The following GRIK2 variants were observed in gnomAD, a reference collection of about 807,000 sequenced individuals.
GRIK2 encodes glutamate receptor ionotropic, kainate 2.
In GRIK2, 32 loss-of-function variants were observed where a neutral mutation model predicts 100.3. The observed-to-expected ratio is 0.32, with a 90% CI of 0.24 to 0.43. The LOEUF is 0.43. Ranked by LOEUF, GRIK2 falls within the 20% of genes least tolerant of loss-of-function variation. The pLI, the probability that GRIK2 is intolerant of heterozygous loss-of-function variation, is 1.00. For synonymous variants in GRIK2, 417 were observed against 389.4 expected (o/e 1.07, Z -0.83); for missense variants, 843 against 1,114.9 (o/e 0.76, Z 3.47).
intron 11 of GRIK2, among the ~76,000 whole-genome samples, chr6:101,870,456 C>T (rs1376191814): frequency 6.6e-6 from 1 of 151,740 alleles, no homozygotes; most frequent in South Asian, 2.1e-4. Flanking sequence ...TATTGATGTA[C>T]ATGTTTTGTT....
At chr6:101,760,680 T>TTATATA (rs1562364751) in intron 7 of GRIK2, among the ~76,000 whole-genome samples, 4 of 89,516 alleles carry the variant, frequency 4.5e-5, no homozygotes, top group African/African-American at 1.9e-4. Context: ...AATTATATAT[T>TTATATA]TAATTATATA....
intron 2 of GRIK2, among the ~76,000 whole-genome samples, chr6:101,508,090 A>AT (rs201517394): frequency 0.037 from 4,328 of 115,696 alleles, 141 homozygotes; most frequent in South Asian, 0.22. Context: ...ACTGATTATT[A>AT]TTATTTTTTT....
intron 2 of GRIK2, among the ~76,000 whole-genome samples, chr6:101,506,282 G>T (rs187215241): frequency 6.6e-6 from 1 of 152,170 alleles, no homozygotes; most frequent in East Asian, 1.9e-4. Flanking sequence ...CCAAGTAAAA[G>T]AAGTTGGACT....
chr6:101,416,093 T>A (rs746317546), intron 2 of GRIK2, among the ~76,000 whole-genome samples: 4 of 152,174 alleles, frequency 2.6e-5, no homozygotes. Context: ...CCAGGTCTTA[T>A]CCTGTCTCTT....
intron 12 of GRIK2, among the ~76,000 whole-genome samples, chr6:101,903,737 A>G (rs1788031242): frequency 6.6e-6 from 1 of 151,530 alleles, no homozygotes; most frequent in African/African-American, 2.4e-5. Context: ...ATATTCAAAT[A>G]CATCAATGTT....
intron 7 of GRIK2, among the ~76,000 whole-genome samples, chr6:101,755,349 G>A (rs564171858): frequency 6.6e-6 from 1 of 151,934 alleles, no homozygotes; most frequent in African/African-American, 2.4e-5. Context: ...TGTATTTTTA[G>A]TAGAGATGGG....
In GRIK2 at chr6:101,651,004, CTTTTTTTTT is replaced by C. The variant is rs3056156; in HGVS notation, c.541+24378_541+24386del. On this transcript the variant is annotated intron_variant, in intron 4 of 16. Transcript: ENST00000369134. ...ACTCTTTTTGTATTTCTTTCTTTTTCTTTTTTTTTTTTTTTTTTTGGCAACAAATAGCTT... is the reference window on the plus strand; with the variant it reads ...ACTCTTTTTGTATTTCTTTCTTTTTCTTTTTTTTTTGGCAACAAATAGCTT... Among the ~76,000 whole-genome samples the C allele has an allele frequency of 1.8e-3, 211 of 119,520 alleles. 1 individual carries two copies. Among genetic ancestry groups the C allele is most frequent in the Admixed American group, 3.0e-3 (34 of 11,504 alleles). The allele number at this position is 119,520 out of a possible 152,430, so 78.4% of individuals were successfully genotyped here.
chr6:101,626,467 C>G lies in GRIK2; in HGVS notation c.371C>G (p.Ala124Gly), dbSNP rs370992707. The change falls in exon 4 of 17, where the codon GCT (alanine) becomes GGT (glycine). Residue 124 changes from alanine (A) to glycine (G), a missense_variant. Coordinates refer to ENST00000369134, the MANE Select transcript of GRIK2 (RefSeq NM_021956.5). ...SANAVQSICN[A>G]LGVPHIQTRW... ...AACGCAGTGCAGTCCATCTGCAATG[C>G]TCTGGGAGTTCCCCACATACAGACC... 3.7e-6 allele frequency: 6 copies of G among 1,613,836 alleles called. No individual in the cohort carries two copies. The highest frequency in any genetic ancestry group is 5.1e-6 in the Non-Finnish European group (6 of 1,179,902).
intron 10 of GRIK2, among the ~76,000 whole-genome samples, chr6:101,858,692 T>C (rs931255094): frequency 2.6e-5 from 4 of 151,942 alleles, no homozygotes; most frequent in Non-Finnish European, 4.4e-5. Flanking sequence ...CCTGGCCTTC[T>C]TCATCTATAT....
At chr6:101,822,818 G>A (rs1269645886) in intron 10 of GRIK2, among the ~76,000 whole-genome samples, 4 of 151,966 alleles carry the variant, frequency 2.6e-5, no homozygotes, top group Non-Finnish European at 4.4e-5. Context: ...CAACTAGAAG[G>A]TGGAGTAGTT....
At chr6:101,700,353 G>C (rs1478055410) in intron 7 of GRIK2, among the ~76,000 whole-genome samples, 2 of 151,932 alleles carry the variant, frequency 1.3e-5, no homozygotes, top group East Asian at 1.9e-4. Flanking sequence ...GGAAGATAGG[G>C]CTCAAACTGA....
intron 7 of GRIK2, among the ~76,000 whole-genome samples, chr6:101,693,867 G>A (rs1772285878): frequency 1.3e-5 from 2 of 151,970 alleles, no homozygotes; most frequent in African/African-American, 4.8e-5. Flanking sequence ...GATCCAACAA[G>A]TGGCATATTT....
rs1771715099 is a variant in GRIK2, at chr6:101,467,624, G to A, written c.115+68232G>A. ...TGTTACTGCTATAGTGGGAAGAAAA[G>A]AGGGCAAAAATTTGTGTTAGAACAC... On this transcript the variant is annotated intron_variant, in intron 2 of 16. Coordinates refer to ENST00000369134, the MANE Select transcript of GRIK2 (RefSeq NM_021956.5). Among the ~76,000 whole-genome samples, 5 of 152,126 alleles carry A rather than the reference G, an allele frequency of 3.3e-5. No individual in the cohort carries two copies. In the South Asian group the frequency reaches 1.0e-3, roughly 31 times the overall value.
At chr6:102,010,019 T>C (rs1795442524) in intron 14 of GRIK2, among the ~76,000 whole-genome samples, 1 of 152,228 alleles carries the variant, frequency 6.6e-6, no homozygotes, top group East Asian at 1.9e-4. Context: ...CATATATAAA[T>C]AATAAACTTT....
intron 2 of GRIK2, among the ~76,000 whole-genome samples, chr6:101,466,594 TAAA>T (rs3057462): frequency 1.8e-4 from 25 of 142,794 alleles, no homozygotes; most frequent in Admixed American, 4.2e-4. Context: ...TGCTTTTTTC[TAAA>T]AAAAAAAAAA....
chr6:101,927,904 T>C (rs1790006722), intron 13 of GRIK2: 1 of 156,042 alleles, frequency 6.4e-6, no homozygotes, highest in South Asian at 1.9e-4. Flanking sequence ...TGGGCAATAG[T>C]AGTTATTTTA....
In GRIK2 at chr6:101,413,006, G is replaced by C. The variant is rs544998077; in HGVS notation, c.115+13614G>C. On this transcript the variant is annotated intron_variant, in intron 2 of 16. Transcript: ENST00000369134. ...CCAAGGTTCTTTGAATTTCATACAT[G>C]TTTTAATTCCTGGCAGGTAGCCAGA... 5.3e-5 allele frequency among the ~76,000 whole-genome samples: 8 copies of C among 152,112 alleles called. No individual in the cohort carries two copies. The South Asian group carries it at 1.7e-3, about 32-fold the overall frequency.
intron 12 of GRIK2, among the ~76,000 whole-genome samples, chr6:101,911,016 C>A (rs1488010000): frequency 6.6e-6 from 1 of 150,778 alleles, no homozygotes; most frequent in Non-Finnish European, 1.5e-5. Flanking sequence ...GGCAGCCAAA[C>A]AAACACTGCA....
intron 7 of GRIK2, among the ~76,000 whole-genome samples, chr6:101,737,802 T>A (rs979303065): frequency 6.6e-6 from 1 of 152,232 alleles, no homozygotes; most frequent in African/African-American, 2.4e-5. Context: ...TGATTTTTTA[T>A]AGGCTTTTGG....
Sources: allele counts gnomAD v4.1 joint callset (sites outside exome capture counted in the v4.1 genomes callset), GRCh38; gene constraint gnomAD v4.1.1; transcripts MANE v1.5; gene names NCBI Gene and HGNC (gene_info 2026-07-23, HGNC 2026-07-21).